Variants in DDX24 observed in about 807,000 individuals in gnomAD.
The protein encoded by DDX24 is ATP-dependent RNA helicase DDX24.
In DDX24, 24 loss-of-function variants were observed where a neutral mutation model predicts 68.9. The observed-to-expected ratio is 0.35, with a 90% CI of 0.25 to 0.49. The LOEUF is 0.49. Among genes scored for constraint, DDX24 ranks in the 20% least tolerant of loss-of-function variants. The probability of loss-of-function intolerance (pLI) is 0.99; values close to 1 mark genes in which losing one functional copy is unlikely to be tolerated. For synonymous variants in DDX24, 395 were observed against 385.2 expected, an observed-to-expected ratio of 1.03 and a Z score of -0.30; for missense variants, 989 against 1,039.0, an observed-to-expected ratio of 0.95 and a Z score of 0.66.
intron 4 of DDX24, 78 bp from the exon 5 acceptor site, chr14:94,060,691 C>T: frequency 6.5e-7 from 1 of 1,529,200 alleles, no homozygotes; most frequent in Non-Finnish European, 8.9e-7. Flanking sequence ...CTACACTCAT[C>T]CTAAACACAC....
chr14:94,066,491 G>T (rs1023119829), intron 2 of DDX24, among the ~76,000 whole-genome samples: 12 of 152,192 alleles, frequency 7.9e-5, no homozygotes, highest in African/African-American at 2.9e-4. Context: ...TATAGCTGAT[G>T]CTTTCTGGAA....
intron 2 of DDX24, among the ~76,000 whole-genome samples, chr14:94,072,472 G>C (rs917585451): frequency 1.3e-5 from 2 of 152,174 alleles, no homozygotes; most frequent in Non-Finnish European, 2.9e-5. Context: ...GAGGGGCAAG[G>C]GATGAAATAC....
At chr14:94,064,650 C>T (rs958812475) in intron 2 of DDX24, among the ~76,000 whole-genome samples, 1 of 152,218 alleles carries the variant, frequency 6.6e-6, no homozygotes, top group Non-Finnish European at 1.5e-5. Flanking sequence ...CCCTACCTCT[C>T]CTGACTTCCA....
intron 2 of DDX24, among the ~76,000 whole-genome samples, chr14:94,067,629 T>C (rs1188994172): frequency 1.3e-5 from 2 of 152,160 alleles, no homozygotes; most frequent in African/African-American, 2.4e-5. Flanking sequence ...AGATTAACAG[T>C]AGACATCTCA....
At chr14:94,059,868 C>G (rs1430896480) in intron 5 of DDX24, among the ~76,000 whole-genome samples, 1 of 151,788 alleles carries the variant, frequency 6.6e-6, no homozygotes, top group African/African-American at 2.4e-5. Context: ...TATGTATTGT[C>G]ACCTATATTC....
intron 1 of DDX24, among the ~76,000 whole-genome samples, chr14:94,080,239 T>C (rs1886041642): frequency 6.6e-6 from 1 of 152,234 alleles, no homozygotes; most frequent in South Asian, 2.1e-4. Context: ...AAAAGCGTAC[T>C]GCGCTTGCTT....
In DDX24 at chr14:94,058,255, T is replaced by C. The variant is rs76971292; in HGVS notation, c.1914-358A>G. On this transcript the variant is annotated intron_variant, in intron 5 of 8. Coordinates refer to ENST00000621632, the MANE Select transcript of DDX24 (RefSeq NM_020414.4). The stretch of plus-strand genomic sequence containing the variant: ...TACTTCCTCCCAGTGGCACACAGAC[T>C]TCCTTGCTCTTCCCCAAACAAACCA... 7.9e-5 allele frequency among the ~76,000 whole-genome samples: 12 copies of C among 152,266 alleles called. No individual in the cohort carries two copies. In the East Asian group the frequency reaches 1.9e-3, roughly 24 times the overall value.
chr14:94,051,059 A>C lies in DDX24; in HGVS notation c.*132T>G. The C allele has an allele frequency of 1.9e-6, 2 of 1,047,336 alleles. No homozygotes were observed. Among genetic ancestry groups the C allele is most frequent in the Non-Finnish European group, 2.7e-6 (2 of 740,128 alleles). The allele number at this position is 1,047,336 out of a possible 1,614,324, so 64.9% of individuals were successfully genotyped here. On this transcript the variant is annotated 3_prime_UTR_variant, in exon 9 of 9. Transcript: ENST00000621632. ...AAATCTGCATGAGGTCTCTCCCGCT[A>C]TGGGTGTGAGTGGAAGAGAGGGAGA... is the stretch of plus-strand genomic sequence containing the variant.
At chr14:94,072,545 A>G (rs1203022802) in intron 2 of DDX24, among the ~76,000 whole-genome samples, 2 of 152,238 alleles carry the variant, frequency 1.3e-5, no homozygotes, top group Non-Finnish European at 2.9e-5. Flanking sequence ...ACAAATCACC[A>G]CTAAACTGGC....
chr14:94,060,382 G>A lies in DDX24; in HGVS notation c.1629C>T (p.Gly543=), dbSNP rs550242420. The A allele has an allele frequency of 1.1e-5, 17 of 1,614,166 alleles. No individual in the cohort carries two copies. The African/African-American group carries it at 2.1e-4, about 20-fold the overall frequency. The part of the protein sequence containing the change: ...AKLDLLMQKI[G]MRGKPKVIDL... ...CAATGACCTTGGGCTTGCCCCTCATGCCAATTTTCTGCATAAGGAGGTCAA... is the reference window on the plus strand; with the variant it reads ...CAATGACCTTGGGCTTGCCCCTCATACCAATTTTCTGCATAAGGAGGTCAA... The change falls in exon 5 of 9, where the codon GGC becomes GGT. Residue 543 remains glycine, a synonymous_variant. Transcript: ENST00000621632.
chr14:94,052,299 C>T (rs1885403504), intron 8 of DDX24, among the ~76,000 whole-genome samples: 1 of 152,216 alleles, frequency 6.6e-6, no homozygotes, highest in African/African-American at 2.4e-5. Flanking sequence ...TCCCTGAAGC[C>T]TCAGCCTGTG....
At position 94,057,976 on chromosome 14, in the gene DDX24, TA is replaced by T. The variant is rs548454885; in HGVS notation, c.1914-80del. 1.3e-4 allele frequency: 178 copies of T among 1,341,836 alleles called. 2 individuals are homozygous for T. The African/African-American group carries it at 2.2e-3, about 17-fold the overall frequency. 83.1% of individuals were successfully genotyped at this position (1,341,836 alleles called of 1,614,324 possible). On this transcript the variant is annotated intron_variant, in intron 5 of 8. Coordinates refer to ENST00000621632, the MANE Select transcript of DDX24 (RefSeq NM_020414.4). ...AATTCTTACCAACTGCTGAGCATCCTAAACATTACAGTCCTTACCAATACTC... is the reference window on the plus strand; with the variant it reads ...AATTCTTACCAACTGCTGAGCATCCTAACATTACAGTCCTTACCAATACTC...
intron 6 of DDX24, chr14:94,057,337 A>C (rs548252547): frequency 8.5e-5 from 13 of 153,324 alleles, no homozygotes; most frequent in South Asian, 2.1e-4. Context: ...TGGCTTCTTA[A>C]GCTCTTTATA....
intron 2 of DDX24, among the ~76,000 whole-genome samples, chr14:94,075,903 T>A (rs1885929851): frequency 6.6e-6 from 1 of 152,134 alleles, no homozygotes; most frequent in African/African-American, 2.4e-5. Context: ...ACTAGGGAAA[T>A]GCAAATTCAA....
chr14:94,066,910 T>C (rs1885717478), intron 2 of DDX24, among the ~76,000 whole-genome samples: 2 of 152,100 alleles, frequency 1.3e-5, no homozygotes, highest in Admixed American at 1.3e-4. Context: ...ACCCTGGTAA[T>C]ATGACAAAAC....
intron 5 of DDX24, among the ~76,000 whole-genome samples, chr14:94,059,867 TC>T (rs1172404566): frequency 6.6e-6 from 1 of 151,940 alleles, no homozygotes; most frequent in Non-Finnish European, 1.5e-5. Flanking sequence ...TTATGTATTG[TC>T]ACCTATATTC....
chr14:94,069,095 T>C (rs925458389), intron 2 of DDX24, among the ~76,000 whole-genome samples: 1 of 152,000 alleles, frequency 6.6e-6, no homozygotes, highest in Non-Finnish European at 1.5e-5. Context: ...TTTGAAAAGA[T>C]AAATAAAATT....
intron 2 of DDX24, among the ~76,000 whole-genome samples, chr14:94,077,621 ACATAAAG>A (rs1415337893): frequency 6.6e-6 from 1 of 152,262 alleles, no homozygotes; most frequent in South Asian, 2.1e-4. Flanking sequence ...GATTTCATCA[ACATAAAG>A]CACTTAACAC....
chr14:94,069,106 G>C (rs1885775457), intron 2 of DDX24, among the ~76,000 whole-genome samples: 1 of 152,022 alleles, frequency 6.6e-6, no homozygotes, highest in Admixed American at 6.6e-5. Context: ...AAATAAAATT[G>C]ACAGACCATT....
Sources: gnomAD v4.1 joint callset for allele counts (sites outside exome capture counted in the v4.1 genomes callset) on GRCh38, gnomAD v4.1.1 for gene constraint, MANE v1.5 for transcripts, NCBI Gene and HGNC (gene_info 2026-07-23, HGNC 2026-07-21) for gene names.